Variants in ABI3BP observed in about 807,000 individuals in gnomAD.
ABI3BP encodes the protein target of Nesh-SH3.
In ABI3BP, 216 loss-of-function variants were observed where a neutral mutation model predicts 268.6. That is an observed-to-expected ratio of 0.80 (90% CI 0.72 to 0.90). The LOEUF is 0.90. ABI3BP is among the 40% of genes least tolerant of loss of function. The pLI, the probability that ABI3BP is intolerant of heterozygous loss-of-function variation, is 0.00. For missense variants in ABI3BP, 2,090 were observed against 2,182.4 expected (o/e 0.96, Z 0.84); for synonymous variants, 730 against 730.0 (o/e 1.00, Z 0.00).
intron 1 of ABI3BP, among the ~76,000 whole-genome samples, chr3:100,956,959 G>A (rs890368134): frequency 1.3e-5 from 2 of 152,112 alleles, no homozygotes; most frequent in African/African-American, 4.8e-5. Context: ...GGATGGATAG[G>A]GTCTTAGAGG....
At chr3:100,854,071 C>T (rs936758192) in intron 14 of ABI3BP, among the ~76,000 whole-genome samples, 1 of 151,784 alleles carries the variant, frequency 6.6e-6, no homozygotes, top group Non-Finnish European at 1.5e-5. Flanking sequence ...AAGAGATTGC[C>T]TGGGCGTGGT....
At chr3:100,810,536 A>G in intron 48 of ABI3BP, 59 bp from the exon 49 acceptor site, 2 of 1,212,812 alleles carry the variant, frequency 1.6e-6, no homozygotes, top group Non-Finnish European at 2.3e-6. Flanking sequence ...CCTTGAGTAC[A>G]GATAACAGAC....
intron 18 of ABI3BP, among the ~76,000 whole-genome samples, chr3:100,848,126 G>A (rs2098795098): frequency 1.3e-5 from 2 of 152,056 alleles, no homozygotes; most frequent in African/African-American, 2.4e-5. Context: ...TCATTTTTAT[G>A]TTTTATCTTC....
In ABI3BP at chr3:100,796,539, A is replaced by T. The variant is rs1468594790; in HGVS notation, c.3758-71T>A. 41 of 1,184,594 alleles carry T rather than the reference A, an allele frequency of 3.5e-5. No homozygotes were observed. In the South Asian group the frequency reaches 6.7e-4, roughly 19 times the overall value. The allele number at this position is 1,184,594 out of a possible 1,614,324, so 73.4% of individuals were successfully genotyped here. On this transcript the variant is annotated intron_variant, in intron 51 of 67. Coordinates refer to ENST00000471714, the MANE Select transcript of ABI3BP (RefSeq NM_001375547.2). ...ACTGGAGTGAGCTTAACCCACAGATATAAAAATCCCAGAAAGCATGAATGA... is the reference window on the plus strand; with the variant it reads ...ACTGGAGTGAGCTTAACCCACAGATTTAAAAATCCCAGAAAGCATGAATGA...
intron 4 of ABI3BP, among the ~76,000 whole-genome samples, chr3:100,888,846 G>T (rs1300645945): frequency 7.2e-6 from 1 of 139,312 alleles, no homozygotes; most frequent in Non-Finnish European, 1.6e-5. Context: ...GAGAGATTAG[G>T]CCACTTAACT....
At chr3:100,904,181 A>T (rs1341651234) in intron 2 of ABI3BP, among the ~76,000 whole-genome samples, 1 of 152,132 alleles carries the variant, frequency 6.6e-6, no homozygotes, top group Non-Finnish European at 1.5e-5. Context: ...CACTACTATT[A>T]TCACCTCAAT....
Position 100,993,286 on chromosome 3 carries a change from T to C in ABI3BP, c.79+20A>G, listed in dbSNP as rs1221635496. 3.4e-6 allele frequency: 5 copies of C among 1,492,220 alleles called. No homozygotes were observed. The highest frequency in any genetic ancestry group is 2.5e-5 in the East Asian group (1 of 40,602). 92.4% of individuals were successfully genotyped at this position (1,492,220 alleles called of 1,614,324 possible). The stretch of plus-strand genomic sequence containing the variant: ...ATATCTTAATATTATTTTTAAAACA[T>C]AAAACATCAGGCTACTTGCCTTTTG... On this transcript the variant is annotated intron_variant, in intron 1 of 67. Coordinates refer to ENST00000471714, the MANE Select transcript of ABI3BP (RefSeq NM_001375547.2).
chr3:100,982,053 G>A (rs573389904), intron 1 of ABI3BP, among the ~76,000 whole-genome samples: 12 of 152,284 alleles, frequency 7.9e-5, no homozygotes, highest in African/African-American at 2.9e-4. Flanking sequence ...TATGGCAGAA[G>A]GGGAAGCAGG....
intron 59 of ABI3BP, among the ~76,000 whole-genome samples, chr3:100,776,150 G>A (rs1255503218): frequency 1.3e-5 from 2 of 152,158 alleles, no homozygotes; most frequent in Non-Finnish European, 2.9e-5. Context: ...CTGGGTGTTT[G>A]GAGTCGAAAG....
intron 29 of ABI3BP, among the ~76,000 whole-genome samples, chr3:100,833,774 A>G (rs2098531031): frequency 6.6e-6 from 1 of 152,168 alleles, no homozygotes; most frequent in South Asian, 2.1e-4. Flanking sequence ...CTCAAATCCA[A>G]TCATCGAAGT....
At chr3:100,805,922 T>G (rs1183442765) in intron 50 of ABI3BP, among the ~76,000 whole-genome samples, 1 of 152,084 alleles carries the variant, frequency 6.6e-6, no homozygotes, top group Middle Eastern at 3.2e-3. Flanking sequence ...TTGAAGAATC[T>G]GAGTATATTC....
At chr3:100,848,107 G>A (rs77648356) in intron 18 of ABI3BP, among the ~76,000 whole-genome samples, 6,587 of 152,162 alleles carry the variant, frequency 0.043, 193 homozygotes, top group Non-Finnish European at 0.052. Flanking sequence ...GTAAATGTAC[G>A]TTGTGCTGTC....
rs150914812 is a variant in ABI3BP at position 100,749,600 on chromosome 3, A to C, written c.*895T>G. ...CATTCTCTGATACATTCATTCATAG[A>C]GGTCTTAACGTATAAATACATAGTA... On this transcript the variant is annotated 3_prime_UTR_variant, in exon 68 of 68. Coordinates refer to ENST00000471714, the MANE Select transcript of ABI3BP (RefSeq NM_001375547.2). The C allele has an allele frequency of 3.9e-3, 1,550 of 398,312 alleles. 9 individuals carry two copies. The highest frequency in any genetic ancestry group is 4.8e-3 in the Non-Finnish European group (1,087 of 225,644). 24.7% of individuals were successfully genotyped at this position (398,312 alleles called of 1,614,324 possible). A position where few individuals can be genotyped will look rare whatever the true frequency, so the allele number is the denominator to read the frequency against.
At chr3:100,754,582 C>G in intron 64 of ABI3BP, 30 bp downstream of exon 64, 1 of 1,552,248 alleles carries the variant, frequency 6.4e-7, no homozygotes, top group African/African-American at 1.4e-5. Flanking sequence ...CTTTTACATC[C>G]TTTTTGGGAA....
chr3:100,813,600 G>A, intron 45 of ABI3BP, 61 bp downstream of exon 45: 3 of 1,260,756 alleles, frequency 2.4e-6, no homozygotes, highest in Non-Finnish European at 2.2e-6. Flanking sequence ...ATAACTTAGA[G>A]AATTACAGTA....
chr3:100,799,813 GAACT>G (rs1355934268), intron 51 of ABI3BP, among the ~76,000 whole-genome samples: 3 of 152,044 alleles, frequency 2.0e-5, no homozygotes, highest in African/African-American at 7.2e-5. Context: ...CAACATTTAA[GAACT>G]ATCTAGATGT....
chr3:100,775,449 A>C, intron 59 of ABI3BP, 114 bp from the exon 60 acceptor site: 1 of 1,390,484 alleles, frequency 7.2e-7, no homozygotes, highest in Non-Finnish European at 9.8e-7. Flanking sequence ...TTGGCACTAT[A>C]GACCAGGCTT....
intron 30 of ABI3BP, 105 bp from the exon 31 acceptor site, chr3:100,832,455 A>G: frequency 9.1e-7 from 1 of 1,093,160 alleles, no homozygotes; most frequent in Non-Finnish European, 1.3e-6. Context: ...GTTTGAGTTG[A>G]CAGAACTTTG....
intron 14 of ABI3BP, 82 bp from the exon 15 acceptor site, chr3:100,852,022 T>G: frequency 7.9e-7 from 1 of 1,261,272 alleles, no homozygotes; most frequent in Non-Finnish European, 1.1e-6. Flanking sequence ...ACATGACATG[T>G]TGTAATGCTG....
Sources: allele counts gnomAD v4.1 joint callset (sites outside exome capture counted in the v4.1 genomes callset), GRCh38; gene constraint gnomAD v4.1.1; transcripts MANE v1.5; gene names NCBI Gene and HGNC (gene_info 2026-07-23, HGNC 2026-07-21).